TMEM41B: variants seen among roughly 807,000 people sequenced by gnomAD.
The protein encoded by TMEM41B is protein stasimon.
Under a neutral mutation model 31.9 loss-of-function variants are expected in TMEM41B, and 18 were observed. The ratio of observed to expected loss-of-function variants is 0.56; its 90% CI spans 0.39 to 0.84. TMEM41B has a LOEUF of 0.84. Among genes scored for constraint, TMEM41B ranks in the 40% least tolerant of loss-of-function variants. TMEM41B has a pLI of 0.00. For missense variants in TMEM41B, 322 were observed against 348.0 expected, an observed-to-expected ratio of 0.93 and a Z score of 0.59; for synonymous variants, 144 against 124.3, an observed-to-expected ratio of 1.16 and a Z score of -1.05.
In TMEM41B at chr11:9,299,713, A is replaced by G. The variant is rs1255763931; in HGVS notation, c.122-12T>C. The G allele has an allele frequency of 6.5e-7, 1 of 1,528,036 alleles. No homozygotes were observed. The highest frequency in any genetic ancestry group is 1.8e-5 in the Admixed American group (1 of 55,264). 94.7% of individuals were successfully genotyped at this position (1,528,036 alleles called of 1,614,324 possible). The stretch of plus-strand genomic sequence containing the variant: ...TACCCAGGATTTTTCTGGAAGAAAA[A>G]AGAAAGTATAATTAAGATAAATATA... On this transcript the variant is annotated splice_polypyrimidine_tract_variant and intron_variant, in intron 1 of 6. Coordinates refer to ENST00000528080, the MANE Select transcript of TMEM41B (RefSeq NM_015012.4).
chr11:9,314,245 TA>T (rs1190750357), intron 1 of TMEM41B, 75 bp downstream of exon 1: 23 of 1,474,944 alleles, frequency 1.6e-5, no homozygotes, highest in Non-Finnish European at 2.1e-5. Context: ...TCTCCGAGAA[TA>T]GCGGGGGTCC....
intron 3 of TMEM41B, 79 bp from the exon 4 acceptor site, chr11:9,288,614 T>C (rs991659514): frequency 9.5e-7 from 1 of 1,047,468 alleles, no homozygotes; most frequent in Non-Finnish European, 1.4e-6. Flanking sequence ...AGGAAAAAAG[T>C]ATAAATACAA....
chr11:9,304,671 T>G (rs889474950), intron 1 of TMEM41B, among the ~76,000 whole-genome samples: 9 of 151,564 alleles, frequency 5.9e-5, no homozygotes, highest in African/African-American at 2.2e-4. Flanking sequence ...TTAATTTTTT[T>G]TTTTTGAGAT....
intron 6 of TMEM41B, among the ~76,000 whole-genome samples, chr11:9,284,189 G>C (rs1230816879): frequency 6.6e-6 from 1 of 151,670 alleles, no homozygotes; most frequent in Non-Finnish European, 1.5e-5. Flanking sequence ...CTATCGCACA[G>C]GCTTGAGTGC....
chr11:9,311,546 CGGAGCTCCTGGG>C, intron 1 of TMEM41B: 1 of 1,222,976 alleles, frequency 8.2e-7, no homozygotes, highest in Non-Finnish European at 1.2e-6. Flanking sequence ...AATTGCCTTG[CGGAGCTCCTGGG>C]GGAGGAGGAC....
At chr11:9,286,738 G>T in intron 5 of TMEM41B, 145 bp from the exon 6 acceptor site, 1 of 808,866 alleles carries the variant, frequency 1.2e-6, no homozygotes, top group Non-Finnish European at 1.8e-6. Context: ...GGTGGTTCAT[G>T]CCTGTAATCC....
chr11:9,311,333 C>G, intron 1 of TMEM41B: 2 of 1,515,152 alleles, frequency 1.3e-6, no homozygotes, highest in Admixed American at 3.4e-5. Context: ...GCTTGTGCAT[C>G]TTTTTATGAG....
intron 1 of TMEM41B, among the ~76,000 whole-genome samples, chr11:9,305,922 G>A (rs561588245): frequency 2.2e-4 from 33 of 150,464 alleles, no homozygotes; most frequent in African/African-American, 8.1e-4. Flanking sequence ...TGTGCCTTAT[G>A]GCCACATTAC....
intron 2 of TMEM41B, among the ~76,000 whole-genome samples, chr11:9,296,142 C>G (rs552261378): frequency 9.6e-4 from 146 of 152,118 alleles, no homozygotes; most frequent in African/African-American, 3.4e-3. Context: ...CAGGAGTAAG[C>G]CACCATGCCC....
At chr11:9,304,037 TCTTA>T (rs1853321470) in intron 1 of TMEM41B, among the ~76,000 whole-genome samples, 1 of 152,310 alleles carries the variant, frequency 6.6e-6, no homozygotes, top group Admixed American at 6.5e-5. Flanking sequence ...TTTGCTCAAC[TCTTA>T]CTTATGAAAT....
intron 3 of TMEM41B, among the ~76,000 whole-genome samples, chr11:9,292,171 A>T (rs890863433): frequency 6.6e-6 from 1 of 152,188 alleles, no homozygotes; most frequent in African/African-American, 2.4e-5. Flanking sequence ...CTTTCTTTCA[A>T]TTTACTGAAG....
At chr11:9,290,466 G>C (rs1184284684) in intron 3 of TMEM41B, among the ~76,000 whole-genome samples, 1 of 151,980 alleles carries the variant, frequency 6.6e-6, no homozygotes, top group Admixed American at 6.6e-5. Context: ...AAGTTGATGG[G>C]TACAGCAAAC....
chr11:9,290,315 T>C (rs1413866688), intron 3 of TMEM41B, among the ~76,000 whole-genome samples: 1 of 151,830 alleles, frequency 6.6e-6, no homozygotes, highest in African/African-American at 2.4e-5. Flanking sequence ...AAGCAGGAGA[T>C]TGCAGTGAGC....
chr11:9,299,715 G>T lies in TMEM41B; in HGVS notation c.122-14C>A, dbSNP rs765804243. The T allele has an allele frequency of 5.2e-6, 8 of 1,524,002 alleles. No individual in the cohort carries two copies. The highest frequency in any genetic ancestry group is 7.2e-6 in the Non-Finnish European group (8 of 1,107,006). 94.4% of individuals were successfully genotyped at this position (1,524,002 alleles called of 1,614,324 possible). A position where few individuals can be genotyped will look rare whatever the true frequency, so the allele number is the denominator to read the frequency against. The stretch of plus-strand genomic sequence containing the variant: ...CCCAGGATTTTTCTGGAAGAAAAAA[G>T]AAAGTATAATTAAGATAAATATAAA... On this transcript the variant is annotated splice_polypyrimidine_tract_variant and intron_variant, in intron 1 of 6. Transcript: ENST00000528080.
rs1204280328 is a variant in TMEM41B at position 9,314,220 on chromosome 11, CT to C, written c.121+100del. 8 of 1,391,146 alleles carry C rather than the reference CT, an allele frequency of 5.8e-6. No individual in the cohort carries two copies. The East Asian group carries it at 1.4e-4, about 24-fold the overall frequency. 86.2% of individuals were successfully genotyped at this position (1,391,146 alleles called of 1,614,324 possible). ...CCCGCCGCGGCGCCAGCAGGCCCCC[CT>C]CTTTCCCCGCGACTCTCCGAGAATA... On this transcript the variant is annotated intron_variant, in intron 1 of 6. Coordinates refer to ENST00000528080, the MANE Select transcript of TMEM41B (RefSeq NM_015012.4).
intron 1 of TMEM41B, among the ~76,000 whole-genome samples, chr11:9,305,979 C>CTTTTTTTTTTT (rs746744551): frequency 2.0e-4 from 24 of 117,980 alleles, no homozygotes; most frequent in South Asian, 3.0e-4. Context: ...CAGCACTTTT[C>CTTTTTTTTTTT]TTTTTTTTTT....
chr11:9,295,101 G>C (rs1003786102), intron 3 of TMEM41B, 158 bp downstream of exon 3: 1 of 992,042 alleles, frequency 1.0e-6, no homozygotes, highest in African/African-American at 1.7e-5. Context: ...TAGGATTAAA[G>C]TGATAATTTT....
At chr11:9,311,164 C>A (rs539985276) in intron 1 of TMEM41B, 2 of 1,183,772 alleles carry the variant, frequency 1.7e-6, no homozygotes, top group Non-Finnish European at 2.3e-6. Context: ...GAAGCTCAGG[C>A]GGGGGTAGGG....
intron 1 of TMEM41B, among the ~76,000 whole-genome samples, chr11:9,301,167 G>A (rs930065427): frequency 6.6e-6 from 1 of 151,960 alleles, no homozygotes; most frequent in African/African-American, 2.4e-5. Context: ...AGGCCGAGGT[G>A]GGCGGATCAC....
Sources: allele counts gnomAD v4.1 joint callset (sites outside exome capture counted in the v4.1 genomes callset), GRCh38; gene constraint gnomAD v4.1.1; transcripts MANE v1.5; gene names NCBI Gene and HGNC (gene_info 2026-07-23, HGNC 2026-07-21).